Variants in ESRRG observed in about 807,000 individuals in gnomAD.
ESRRG encodes estrogen related receptor gamma.
A neutral mutation model predicts 44.0 loss-of-function variants in ESRRG; 13 were observed. The observed-to-expected ratio is 0.30, with a 90% CI of 0.19 to 0.47. ESRRG has a LOEUF of 0.47. ESRRG is among the 20% of genes least tolerant of loss of function. ESRRG has a pLI of 1.00. For synonymous variants in ESRRG, 215 were observed against 214.6 expected, an observed-to-expected ratio of 1.00 and a Z score of -0.02; for missense variants, 395 against 580.6, an observed-to-expected ratio of 0.68 and a Z score of 3.29.
chr1:216,587,360 A>G (rs1045298277), intron 3 of ESRRG, among the ~76,000 whole-genome samples: 1 of 152,208 alleles, frequency 6.6e-6, no homozygotes, highest in Non-Finnish European at 1.5e-5. Context: ...ATAAAGAAGC[A>G]TTTGGACCTT....
At chr1:216,686,288 A>C (rs2077936279) in intron 1 of ESRRG, 1 of 152,116 alleles carries the variant, frequency 6.6e-6, no homozygotes, top group South Asian at 2.1e-4. Flanking sequence ...TAAACATTTC[A>C]TCAAGCTAGT....
chr1:216,975,761 T>G (rs548406018), intron 1 of ESRRG, among the ~76,000 whole-genome samples: 1 of 152,292 alleles, frequency 6.6e-6, no homozygotes, highest in Admixed American at 6.5e-5. Flanking sequence ...GGTTAAGGAA[T>G]AGGCAACTGG....
At chr1:216,565,698 T>C (rs976655876) in intron 4 of ESRRG, among the ~76,000 whole-genome samples, 7 of 152,162 alleles carry the variant, frequency 4.6e-5, no homozygotes, top group Non-Finnish European at 5.9e-5. Context: ...TCTATCATCA[T>C]CAAATTGAGT....
chr1:217,010,972 C>T (rs1420843652), intron 1 of ESRRG, among the ~76,000 whole-genome samples: 2 of 152,110 alleles, frequency 1.3e-5, no homozygotes, highest in African/African-American at 2.4e-5. Flanking sequence ...AGACAGGTTG[C>T]AGCACCAATA....
At chr1:216,821,121 A>C (rs1424130635) in intron 2 of ESRRG, among the ~76,000 whole-genome samples, 1 of 152,222 alleles carries the variant, frequency 6.6e-6, no homozygotes, top group East Asian at 1.9e-4. Context: ...GGTTAGGCCA[A>C]GTGACATAAA....
chr1:216,604,884 T>C (rs1370889241), intron 3 of ESRRG, among the ~76,000 whole-genome samples: 1 of 152,198 alleles, frequency 6.6e-6, no homozygotes, highest in Non-Finnish European at 1.5e-5. Context: ...AAATACACTG[T>C]AACATTTTTG....
intron 1 of ESRRG, among the ~76,000 whole-genome samples, chr1:217,031,730 C>T (rs1290524017): frequency 6.6e-6 from 1 of 152,164 alleles, no homozygotes; most frequent in East Asian, 1.9e-4. Context: ...TCCCCCATGC[C>T]ATTCTCACGA....
chr1:216,679,963 G>A (rs1293274192), intron 1 of ESRRG, among the ~76,000 whole-genome samples: 4 of 152,088 alleles, frequency 2.6e-5, no homozygotes, highest in Non-Finnish European at 5.9e-5. Flanking sequence ...TCCATAACTT[G>A]GCAATAGGCT....
At chr1:216,735,849 C>A (rs2089763859) in intron 2 of ESRRG, among the ~76,000 whole-genome samples, 1 of 151,456 alleles carries the variant, frequency 6.6e-6, no homozygotes, top group African/African-American at 2.4e-5. Flanking sequence ...CATGGTGGTG[C>A]ACCCCTGTAA....
intron 1 of ESRRG, among the ~76,000 whole-genome samples, chr1:216,713,598 C>T (rs896356599): frequency 1.3e-5 from 2 of 152,142 alleles, no homozygotes; most frequent in Admixed American, 6.5e-5. Flanking sequence ...GAAAGGAGTA[C>T]TTAATTTCTC....
At chr1:217,002,518 A>G (rs2185226) in intron 1 of ESRRG, among the ~76,000 whole-genome samples, 54,807 of 151,760 alleles carry the variant, frequency 0.36, 12,372 homozygotes, top group African/African-American at 0.63. Flanking sequence ...TACTGTAGGA[A>G]TCAGCCTTCA....
chr1:216,626,731 G>A (rs17043116), intron 3 of ESRRG, among the ~76,000 whole-genome samples: 9,408 of 152,210 alleles, frequency 0.062, 668 homozygotes, highest in African/African-American at 0.17. Context: ...TCAGTCTGTC[G>A]TTGTTTCTAC....
At chr1:216,994,757 A>ATT (rs71303008) in intron 1 of ESRRG, among the ~76,000 whole-genome samples, 7 of 148,344 alleles carry the variant, frequency 4.7e-5, no homozygotes, top group Admixed American at 6.7e-5. Context: ...AATTTTTTGT[A>ATT]TTTTTTTTTT....
chr1:216,755,871 G>A (rs1198349950), intron 2 of ESRRG, among the ~76,000 whole-genome samples: 1 of 152,020 alleles, frequency 6.6e-6, no homozygotes, highest in East Asian at 1.9e-4. Context: ...AATGATTGTA[G>A]TTAAATAGTG....
At chr1:217,032,316 C>A (rs2082193850) in intron 1 of ESRRG, among the ~76,000 whole-genome samples, 1 of 152,118 alleles carries the variant, frequency 6.6e-6, no homozygotes, top group Non-Finnish European at 1.5e-5. Flanking sequence ...CTAACCATTT[C>A]TGGGCCTCAC....
At chr1:216,721,654 G>T (rs1350295279) in intron 1 of ESRRG, among the ~76,000 whole-genome samples, 2 of 152,100 alleles carry the variant, frequency 1.3e-5, no homozygotes, top group Non-Finnish European at 2.9e-5. Context: ...ACTTCAAAAA[G>T]AAGCCTCTGG....
At chr1:216,574,721 A>G (rs982427584) in intron 3 of ESRRG, among the ~76,000 whole-genome samples, 1 of 152,142 alleles carries the variant, frequency 6.6e-6, no homozygotes, top group Non-Finnish European at 1.5e-5. Context: ...ATAATTTTGA[A>G]AAGATCGTTA....
chr1:216,680,962 A>G (rs2076938388), intron 1 of ESRRG, among the ~76,000 whole-genome samples: 1 of 152,234 alleles, frequency 6.6e-6, no homozygotes, highest in Non-Finnish European at 1.5e-5. Flanking sequence ...TTTCAAAATG[A>G]TGGCTTTATC....
chr1:216,701,498 A>G (rs2081384477), intron 1 of ESRRG: 1 of 152,218 alleles, frequency 6.6e-6, no homozygotes, highest in South Asian at 2.1e-4. Context: ...CTCTCTCGCC[A>G]GGGGTTCTCT....
Sources: gnomAD v4.1 joint callset for allele counts (sites outside exome capture counted in the v4.1 genomes callset) on GRCh38, gnomAD v4.1.1 for gene constraint, MANE v1.5 for transcripts, NCBI Gene and HGNC (gene_info 2026-07-23, HGNC 2026-07-21) for gene names.